PDCD2L: variants seen among roughly 807,000 people sequenced by gnomAD.
The protein encoded by PDCD2L is uS5 assembly chaperone PDCD2L.
Under a neutral mutation model 40.4 loss-of-function variants are expected in PDCD2L, and 44 were observed. The ratio of observed to expected loss-of-function variants is 1.09; its 90% CI spans 0.86 to 1.40. The LOEUF (loss-of-function observed/expected upper bound fraction) is 1.40. Ranked by LOEUF, PDCD2L falls within the 40% of genes most tolerant of loss-of-function variation. PDCD2L has a pLI of 0.00. For synonymous variants in PDCD2L, 194 were observed against 174.6 expected, an observed-to-expected ratio of 1.11 and a Z score of -0.88; for missense variants, 470 against 453.7, an observed-to-expected ratio of 1.04 and a Z score of -0.33.
At position 34,409,404 on chromosome 19, in the gene PDCD2L, G is replaced by C. The variant is rs1204513450; in HGVS notation, c.580G>C (p.Asp194His). The C allele has an allele frequency of 6.2e-7, 1 of 1,614,206 alleles. No individual in the cohort carries two copies. The highest frequency in any genetic ancestry group is 2.2e-5 in the East Asian group (1 of 44,882). ...CCTGCCCTACTACATCTGTGTTGCA[G>C]ATGAGGATGATTACAGGGACTTTGT... is the stretch of plus-strand genomic sequence containing the variant. ...LFLPYYICVA[D>H]EDDYRDFVNL... Residue 194 changes from aspartate to histidine, a missense_variant, in exon 4 of 7, where the codon GAT becomes CAT. By Grantham distance (81) the Asp-to-His change is moderately conservative (BLOSUM62 -1). Transcript: ENST00000246535.
At position 34,426,088 on chromosome 19, in the gene PDCD2L, C is replaced by A. The variant is rs200578517; in HGVS notation, c.1045C>A (p.Gln349Lys). The A allele has an allele frequency of 1.8e-5, 29 of 1,589,630 alleles. No individual in the cohort carries two copies. Among genetic ancestry groups the A allele is most frequent in the African/African-American group, 6.7e-5 (5 of 74,354 alleles). ...QTPMEEFCII[Q>K]EDPDELLFK ...TCCCATGGAAGAATTTTGTATTATA[C>A]AAGAAGACCCAGATGAATTATTGTT... is the stretch of plus-strand genomic sequence containing the variant. Residue 349 changes from glutamine (Q) to lysine (K), a missense_variant, in exon 7 of 7, where the codon CAA becomes AAA. Physicochemically the swap from Gln to Lys is moderately conservative, Grantham distance 53. Transcript: ENST00000246535.
chr19:34,424,614 G>A (rs1038115029), intron 6 of PDCD2L, among the ~76,000 whole-genome samples: 1 of 152,124 alleles, frequency 6.6e-6, no homozygotes, highest in African/African-American at 2.4e-5. Context: ...TGGCCCTCCA[G>A]CACTTGGGAG....
chr19:34,405,373 C>G (rs1263861262), intron 3 of PDCD2L, among the ~76,000 whole-genome samples: 1 of 150,926 alleles, frequency 6.6e-6, no homozygotes. Flanking sequence ...CTCGAACTGC[C>G]GACCTCAGGT....
At chr19:34,405,013 T>G in intron 3 of PDCD2L, 23 bp downstream of exon 3, 1 of 1,613,588 alleles carries the variant, frequency 6.2e-7, no homozygotes, top group Non-Finnish European at 8.5e-7. Flanking sequence ...ATTGGCATGT[T>G]ATTGTTTTTC....
At chr19:34,413,327 ATTT>A (rs34915589) in intron 4 of PDCD2L, among the ~76,000 whole-genome samples, 6 of 98,802 alleles carry the variant, frequency 6.1e-5, no homozygotes, top group Admixed American at 1.1e-4. Context: ...GGCGTGATTG[ATTT>A]TTTTTTTTTT....
In PDCD2L at chr19:34,404,720, G is replaced by T; in HGVS notation, c.180G>T (p.Val60=). The change falls in exon 2 of 7, where the codon GTG becomes GTT. Residue 60 remains valine, a synonymous_variant. Coordinates refer to ENST00000246535, the MANE Select transcript of PDCD2L (RefSeq NM_032346.2). ...GCGGGCAGCCGCTCGCTCTGGTCGTGCAGGTGTATTGCCCGCTGGAAGGCT... is the reference window on the plus strand; with the variant it reads ...GCGGGCAGCCGCTCGCTCTGGTCGTTCAGGTGTATTGCCCGCTGGAAGGCT... The part of the protein sequence containing the change: ...QRCGQPLALV[V]QVYCPLEGSP... 1 of 1,612,362 alleles carries T rather than the reference G, an allele frequency of 6.2e-7. No individual in the cohort carries two copies. The highest frequency in any genetic ancestry group is 1.3e-5 in the African/African-American group (1 of 75,050).
chr19:34,412,768 GT>G (rs539182334), intron 4 of PDCD2L, among the ~76,000 whole-genome samples: 2,399 of 140,164 alleles, frequency 0.017, 24 homozygotes, highest in South Asian at 0.027. Flanking sequence ...AACTTTGACA[GT>G]TTTTTTTTTT....
chr19:34,409,480 G>A lies in PDCD2L; in HGVS notation c.656G>A (p.Gly219Asp). The A allele has an allele frequency of 6.2e-7, 1 of 1,614,066 alleles. No homozygotes were observed. The highest frequency in any genetic ancestry group is 8.5e-7 in the Non-Finnish European group (1 of 1,180,026). The change falls in exon 4 of 7, where the codon GGC becomes GAC. Residue 219 changes from glycine to aspartate, a missense_variant. Gly to Asp is a moderately conservative substitution (Grantham distance 94, BLOSUM62 -1). Coordinates refer to ENST00000246535, the MANE Select transcript of PDCD2L (RefSeq NM_032346.2). Reference sequence around the variant, plus strand: ...CTGAGGGACTATCAGCAGAGAGAAGGCATTGCCATGGATCAGTTGCTTTCC... The same window carrying A: ...CTGAGGGACTATCAGCAGAGAGAAGACATTGCCATGGATCAGTTGCTTTCC... ...SLLRDYQQRE[G>D]IAMDQLLSQS...
chr19:34,411,160 TTC>T (rs1180748620), intron 4 of PDCD2L, among the ~76,000 whole-genome samples: 2 of 148,300 alleles, frequency 1.3e-5, no homozygotes, highest in African/African-American at 5.1e-5. Flanking sequence ...TAGAGTATTC[TTC>T]TTTTTTTTTT....
intron 3 of PDCD2L, 130 bp downstream of exon 3, chr19:34,405,120 C>G: frequency 1.4e-6 from 1 of 733,558 alleles, no homozygotes. Flanking sequence ...TTCTGAAGAA[C>G]CATAAAATGC....
chr19:34,414,117 T>C (rs1202660671), intron 5 of PDCD2L, among the ~76,000 whole-genome samples: 1 of 152,156 alleles, frequency 6.6e-6, no homozygotes, highest in Non-Finnish European at 1.5e-5. Flanking sequence ...GCTGCAGATA[T>C]AGCAAGAAAC....
rs1239705431 is a variant in PDCD2L at position 34,409,235 on chromosome 19, G to A, written c.411G>A (p.Gly137=). ...ADDWGSDTEE[G]PSPQFTLDFG... ...ACTGGGGAAGTGATACTGAGGAGGGGCCTTCACCACAGTTTACCTTGGATT... is the reference window on the plus strand; with the variant it reads ...ACTGGGGAAGTGATACTGAGGAGGGACCTTCACCACAGTTTACCTTGGATT... Residue 137 remains glycine (G), a synonymous_variant, in exon 4 of 7, where the codon GGG becomes GGA. Coordinates refer to ENST00000246535, the MANE Select transcript of PDCD2L (RefSeq NM_032346.2). 1.9e-6 allele frequency: 3 copies of A among 1,614,062 alleles called. No individual in the cohort carries two copies. Among genetic ancestry groups the A allele is most frequent in the Non-Finnish European group, 2.5e-6 (3 of 1,180,044 alleles).
chr19:34,415,536 A>T (rs2075123165), intron 5 of PDCD2L, among the ~76,000 whole-genome samples: 1 of 152,244 alleles, frequency 6.6e-6, no homozygotes, highest in East Asian at 1.9e-4. Context: ...GGTATAATTT[A>T]TAAAAATAGC....
At chr19:34,407,471 C>T (rs1044061185) in intron 3 of PDCD2L, among the ~76,000 whole-genome samples, 1 of 152,140 alleles carries the variant, frequency 6.6e-6, no homozygotes, top group African/African-American at 2.4e-5. Flanking sequence ...ACTCTACTCT[C>T]TACTTCTTTG....
chr19:34,408,423 C>T (rs1221318233), intron 3 of PDCD2L, among the ~76,000 whole-genome samples: 2 of 151,700 alleles, frequency 1.3e-5, no homozygotes, highest in East Asian at 2.0e-4. Context: ...CTCCGCCTCC[C>T]GGGTTCAAGC....
intron 4 of PDCD2L, among the ~76,000 whole-genome samples, chr19:34,410,167 C>G (rs1378190056): frequency 6.6e-6 from 1 of 152,188 alleles, no homozygotes; most frequent in East Asian, 1.9e-4. Flanking sequence ...TTGGTGTGAT[C>G]AAAGCTCATG....
intron 4 of PDCD2L, among the ~76,000 whole-genome samples, chr19:34,413,471 G>A (rs1165971474): frequency 1.3e-5 from 2 of 151,302 alleles, no homozygotes; most frequent in Non-Finnish European, 2.9e-5. Flanking sequence ...TGAGTAGCTG[G>A]GACTATAGGC....
At chr19:34,411,318 C>T (rs1159659259) in intron 4 of PDCD2L, among the ~76,000 whole-genome samples, 1 of 150,180 alleles carries the variant, frequency 6.7e-6, no homozygotes, top group Non-Finnish European at 1.5e-5. Flanking sequence ...CGGCTCACTG[C>T]AACCTCTCCC....
intron 5 of PDCD2L, among the ~76,000 whole-genome samples, chr19:34,420,319 T>G (rs1451234700): frequency 1.4e-5 from 2 of 140,552 alleles, no homozygotes; most frequent in African/African-American, 2.7e-5. Flanking sequence ...TTTTTTTTGG[T>G]TTTTTTTTTT....
Sources: gnomAD v4.1 joint callset for allele counts (sites outside exome capture counted in the v4.1 genomes callset) on GRCh38, gnomAD v4.1.1 for gene constraint, MANE v1.5 for transcripts, NCBI Gene and HGNC (gene_info 2026-07-23, HGNC 2026-07-21) for gene names.